MYO16: variants seen among roughly 807,000 people sequenced by gnomAD.
MYO16 encodes the protein unconventional myosin-XVI.
A neutral mutation model predicts 205.3 loss-of-function variants in MYO16; 94 were observed. The ratio of observed to expected loss-of-function variants is 0.46; its 90% CI spans 0.39 to 0.54. MYO16 has a LOEUF of 0.54. Among genes scored for constraint, MYO16 ranks in the 20% least tolerant of loss-of-function variants. The probability of loss-of-function intolerance (pLI) is 0.00; values close to 1 mark genes in which losing one functional copy is unlikely to be tolerated. For synonymous variants in MYO16, 988 were observed against 954.0 expected, an observed-to-expected ratio of 1.04 and a Z score of -0.66; for missense variants, 2,315 against 2,387.5, an observed-to-expected ratio of 0.97 and a Z score of 0.63.
chr13:108,646,715 G>A (rs1880773180), intron 1 of MYO16, among the ~76,000 whole-genome samples: 1 of 152,056 alleles, frequency 6.6e-6, no homozygotes, highest in Non-Finnish European at 1.5e-5. Flanking sequence ...AAAGTATTCT[G>A]TGACTAATCT....
intron 4 of MYO16, among the ~76,000 whole-genome samples, chr13:108,737,286 G>T (rs1287170790): frequency 6.6e-6 from 1 of 152,104 alleles, no homozygotes; most frequent in African/African-American, 2.4e-5. Flanking sequence ...GTCATAAATA[G>T]CTGTTATTAT....
At chr13:108,742,757 T>C (rs1884948274) in intron 4 of MYO16, among the ~76,000 whole-genome samples, 1 of 152,228 alleles carries the variant, frequency 6.6e-6, no homozygotes, top group African/African-American at 2.4e-5. Flanking sequence ...ATGTATTATT[T>C]CTAAGATGTT....
the MYO16 span, among the ~76,000 whole-genome samples, chr13:108,526,739 T>C: frequency 2.0e-5 from 3 of 152,252 alleles, no homozygotes; most frequent in African/African-American, 7.2e-5. Context: ...TGTCAAAGTA[T>C]GTCATTAATA....
chr13:108,530,601 G>A, the MYO16 span, among the ~76,000 whole-genome samples: 1 of 152,132 alleles, frequency 6.6e-6, no homozygotes, highest in African/African-American at 2.4e-5. Context: ...CAGGCTCTGT[G>A]GAGACAGAAT....
chr13:109,061,411 G>A (rs953828465), intron 27 of MYO16, among the ~76,000 whole-genome samples: 1 of 152,116 alleles, frequency 6.6e-6, no homozygotes, highest in African/African-American at 2.4e-5. Context: ...TCCAGCTTCT[G>A]ATTAAAAGTG....
At chr13:108,686,627 A>G (rs907138503) in intron 2 of MYO16, among the ~76,000 whole-genome samples, 4 of 152,210 alleles carry the variant, frequency 2.6e-5, no homozygotes, top group African/African-American at 9.7e-5. Flanking sequence ...TCCTAAAACT[A>G]GTTGAGGGCT....
upstream of MYO16, among the ~76,000 whole-genome samples, chr13:108,593,192 A>G (rs757175942): frequency 6.6e-6 from 1 of 152,200 alleles, no homozygotes; most frequent in Non-Finnish European, 1.5e-5. Flanking sequence ...TGGAAAATTT[A>G]TTAGCAGTAA....
chr13:108,520,600 G>A, the MYO16 span, among the ~76,000 whole-genome samples: 4 of 151,784 alleles, frequency 2.6e-5, no homozygotes, highest in East Asian at 7.7e-4. Context: ...AAATCGGTTA[G>A]TAAAAATCTA....
intron 27 of MYO16, among the ~76,000 whole-genome samples, chr13:109,068,292 A>C (rs941104861): frequency 6.6e-6 from 1 of 152,196 alleles, no homozygotes; most frequent in Non-Finnish European, 1.5e-5. Flanking sequence ...CCCTAGATTA[A>C]CGATTAAATT....
At chr13:109,065,003 C>T (rs1382408718) in intron 27 of MYO16, among the ~76,000 whole-genome samples, 2 of 152,190 alleles carry the variant, frequency 1.3e-5, no homozygotes, top group Non-Finnish European at 1.5e-5. Context: ...CTTGGGGCCT[C>T]TTCCCCAGTT....
At chr13:108,814,892 C>T (rs1887402094) in intron 7 of MYO16, among the ~76,000 whole-genome samples, 1 of 152,030 alleles carries the variant, frequency 6.6e-6, no homozygotes, top group Non-Finnish European at 1.5e-5. Flanking sequence ...ACAAACCCCA[C>T]CGCAGATTGA....
At chr13:108,956,911 A>G (rs1442917575) in intron 16 of MYO16, among the ~76,000 whole-genome samples, 1 of 152,128 alleles carries the variant, frequency 6.6e-6, no homozygotes, top group Non-Finnish European at 1.5e-5. Context: ...TATTGCCTGT[A>G]TTAGATAGGT....
rs1452791277 is a variant in MYO16, at chr13:108,780,244, T to C, written c.508-5391T>C. ...GATATATTAGAATGAATTTGTGTAG[T>C]TTAAAGAATGAAAGCAAGGCATTTT... On this transcript the variant is annotated intron_variant, in intron 4 of 34. Coordinates refer to ENST00000457511, the MANE Select transcript of MYO16 (RefSeq NM_001198950.3). Among the ~76,000 whole-genome samples the C allele has an allele frequency of 2.0e-5, 3 of 152,036 alleles. No homozygotes were observed. The East Asian group carries it at 5.8e-4, about 29-fold the overall frequency.
At chr13:108,554,879 A>T in the MYO16 span, among the ~76,000 whole-genome samples, 3 of 150,902 alleles carry the variant, frequency 2.0e-5, no homozygotes, top group Non-Finnish European at 4.4e-5. Flanking sequence ...AAAAAGAAAG[A>T]AAATCATCTG....
intron 33 of MYO16, among the ~76,000 whole-genome samples, chr13:109,178,362 T>G (rs1879311326): frequency 6.6e-6 from 1 of 152,166 alleles, no homozygotes; most frequent in Admixed American, 6.5e-5. Flanking sequence ...TATCTGGACA[T>G]GTAACAAGAT....
intron 7 of MYO16, among the ~76,000 whole-genome samples, chr13:108,811,359 A>T (rs1887285626): frequency 6.6e-6 from 1 of 152,048 alleles, no homozygotes; most frequent in South Asian, 2.1e-4. Context: ...AACAAGCTTC[A>T]TGTGCCATCC....
chr13:108,728,310 G>A (rs892280071), intron 4 of MYO16, among the ~76,000 whole-genome samples: 2 of 152,106 alleles, frequency 1.3e-5, no homozygotes, highest in Non-Finnish European at 2.9e-5. Context: ...ACTGATGCTC[G>A]AATATATTAA....
At chr13:109,078,328 A>G (rs535721753) in intron 27 of MYO16, among the ~76,000 whole-genome samples, 9 of 152,052 alleles carry the variant, frequency 5.9e-5, no homozygotes, top group Admixed American at 2.0e-4. Flanking sequence ...AGTACCAGCT[A>G]TTCAGGAGGC....
intron 4 of MYO16, among the ~76,000 whole-genome samples, chr13:108,753,148 T>C (rs1225499402): frequency 2.7e-5 from 4 of 150,936 alleles, no homozygotes; most frequent in Non-Finnish European, 5.9e-5. Flanking sequence ...GGTGGGTGGA[T>C]CACGAGGTCA....
Sources: allele counts gnomAD v4.1 joint callset (sites outside exome capture counted in the v4.1 genomes callset), GRCh38; gene constraint gnomAD v4.1.1; transcripts MANE v1.5; gene names NCBI Gene and HGNC (gene_info 2026-07-23, HGNC 2026-07-21).